Variants in EFHD1 observed in about 807,000 individuals in gnomAD.
The protein encoded by EFHD1 is EF-hand domain-containing protein D1.
A neutral mutation model predicts 17.2 loss-of-function variants in EFHD1; 10 were observed. The observed-to-expected ratio is 0.58, with a 90% CI of 0.36 to 0.99. The LOEUF is 0.99. EFHD1 is among the 50% of genes least tolerant of loss of function. The pLI is 0.01. For synonymous variants in EFHD1, 153 were observed against 142.0 expected (o/e 1.08, Z -0.55); for missense variants, 310 against 327.5 (o/e 0.95, Z 0.41).
At chr2:232,663,681 G>A (rs909565467) in intron 2 of EFHD1, among the ~76,000 whole-genome samples, 18 of 152,024 alleles carry the variant, frequency 1.2e-4, no homozygotes, top group Admixed American at 1.2e-3. Flanking sequence ...GTGATATCTC[G>A]ATATAAGCGT....
intron 1 of EFHD1, among the ~76,000 whole-genome samples, chr2:232,612,276 A>G (rs75383559): frequency 2.1e-3 from 323 of 152,320 alleles, no homozygotes; most frequent in African/African-American, 7.3e-3. Context: ...TGTGGACATT[A>G]AAAGCAAGCA....
At chr2:232,609,867 T>C (rs932091715) in intron 1 of EFHD1, among the ~76,000 whole-genome samples, 1 of 152,218 alleles carries the variant, frequency 6.6e-6, no homozygotes, top group African/African-American at 2.4e-5. Flanking sequence ...GAGTGGTGGC[T>C]GAAGCTCCTC....
At chr2:232,679,822 A>G (rs1405896386) in intron 3 of EFHD1, among the ~76,000 whole-genome samples, 2 of 152,320 alleles carry the variant, frequency 1.3e-5, no homozygotes, top group East Asian at 3.9e-4. Flanking sequence ...AGGAAATAAA[A>G]GAAGGTGCCA....
intron 1 of EFHD1, among the ~76,000 whole-genome samples, chr2:232,636,432 T>G (rs1007643567): frequency 6.6e-6 from 1 of 152,222 alleles, no homozygotes; most frequent in African/African-American, 2.4e-5. Flanking sequence ...AATTAATTCA[T>G]GTATGTGATG....
intron 1 of EFHD1, among the ~76,000 whole-genome samples, chr2:232,653,301 C>CT (rs1291706553): frequency 6.6e-6 from 1 of 151,694 alleles, no homozygotes; most frequent in East Asian, 1.9e-4. Flanking sequence ...CTGGTTTTTT[C>CT]TTTTTTCAAG....
chr2:232,634,165 C>T (rs915271761), intron 1 of EFHD1, among the ~76,000 whole-genome samples, 159 bp downstream of exon 1: 1 of 152,146 alleles, frequency 6.6e-6, no homozygotes. Context: ...GGGTCTATCT[C>T]GGCGCGGTGG....
At chr2:232,647,270 G>C (rs969761333) in intron 1 of EFHD1, among the ~76,000 whole-genome samples, 2 of 152,248 alleles carry the variant, frequency 1.3e-5, no homozygotes, top group African/African-American at 4.8e-5. Context: ...GCAGCAGTGG[G>C]TGGAGAGGAA....
intron 1 of EFHD1, among the ~76,000 whole-genome samples, chr2:232,662,388 A>C (rs549326169): frequency 7.9e-5 from 12 of 152,150 alleles, no homozygotes; most frequent in African/African-American, 2.9e-4. Flanking sequence ...GACCAGGAGG[A>C]GGCTCCTGGA....
At chr2:232,617,636 G>A (rs954031897) in intron 1 of EFHD1, among the ~76,000 whole-genome samples, 1 of 136,334 alleles carries the variant, frequency 7.3e-6, no homozygotes. Context: ...CTGGGCAACA[G>A]AGCGAGACTC....
chr2:232,635,222 T>C (rs1042884010), intron 1 of EFHD1, among the ~76,000 whole-genome samples: 1 of 152,224 alleles, frequency 6.6e-6, no homozygotes, highest in Non-Finnish European at 1.5e-5. Context: ...GCAAGGTTTG[T>C]TGGAGCCCTT....
In EFHD1 at chr2:232,612,306, A is replaced by G. The variant is rs1423469681; in HGVS notation, c.14+6133A>G. ...CAAGCATGGGCTTCAAAAGACACCC[A>G]AAAGCTGGGAGAAAATATTTTAAAA... On this transcript the variant is annotated intron_variant, in intron 1 of 3. Transcript: ENST00000409613. Among the ~76,000 whole-genome samples the G allele has an allele frequency of 2.6e-5, 4 of 152,200 alleles. No individual in the cohort carries two copies. The East Asian group carries it at 7.7e-4, about 29-fold the overall frequency.
intron 1 of EFHD1, among the ~76,000 whole-genome samples, chr2:232,636,111 G>A (rs1403421054): frequency 6.6e-6 from 1 of 152,124 alleles, no homozygotes; most frequent in African/African-American, 2.4e-5. Flanking sequence ...GCTCATCCTT[G>A]GTGGTGGTGG....
chr2:232,650,931 A>G (rs1463736415), intron 1 of EFHD1, among the ~76,000 whole-genome samples: 3 of 152,118 alleles, frequency 2.0e-5, no homozygotes, highest in Non-Finnish European at 2.9e-5. Context: ...AATTATAGGG[A>G]AAAAAAGAGC....
intron 2 of EFHD1, among the ~76,000 whole-genome samples, chr2:232,670,260 G>C (rs992478519): frequency 6.6e-6 from 1 of 152,070 alleles, no homozygotes; most frequent in African/African-American, 2.4e-5. Flanking sequence ...GGTCAACATG[G>C]TGAAACCCCA....
At chr2:232,647,961 C>T (rs1694565556) in intron 1 of EFHD1, among the ~76,000 whole-genome samples, 1 of 152,158 alleles carries the variant, frequency 6.6e-6, no homozygotes, top group Non-Finnish European at 1.5e-5. Context: ...TTATGCAGAC[C>T]TGGCAAGGTG....
intron 1 of EFHD1, among the ~76,000 whole-genome samples, chr2:232,643,964 C>A (rs1039607032): frequency 9.8e-5 from 15 of 152,356 alleles, no homozygotes; most frequent in African/African-American, 3.4e-4. Context: ...TAGGTCTTTC[C>A]TGTGGAACAT....
rs1490049238 is a variant in EFHD1 at position 232,662,638 on chromosome 2, G to A, written c.303-164G>A. On this transcript the variant is annotated intron_variant, in intron 1 of 3. Transcript: ENST00000264059. ...TTTGAGTCATACAAAGCCCTGAAGC[G>A]CTCTGAGGAGAGAGGGGTTCCTCTG... The A allele has an allele frequency of 6.0e-6, 5 of 830,988 alleles. No individual in the cohort carries two copies. In the South Asian group the frequency reaches 6.7e-5, roughly 11 times the overall value. The allele number at this position is 830,988 out of a possible 1,614,324, so 51.5% of individuals were successfully genotyped here.
chr2:232,669,864 G>T (rs947678933), intron 2 of EFHD1, among the ~76,000 whole-genome samples: 1 of 152,022 alleles, frequency 6.6e-6, no homozygotes, highest in Non-Finnish European at 1.5e-5. Flanking sequence ...CTCCCAAAGT[G>T]CTGGGATTAC....
chr2:232,679,395 TC>T (rs1196907813), intron 3 of EFHD1, among the ~76,000 whole-genome samples: 1 of 151,266 alleles, frequency 6.6e-6, no homozygotes, highest in Admixed American at 6.6e-5. Flanking sequence ...TATTCTTTTA[TC>T]TTTTTTTTTT....
Sources: gnomAD v4.1 joint callset for allele counts (sites outside exome capture counted in the v4.1 genomes callset) on GRCh38, gnomAD v4.1.1 for gene constraint, MANE v1.5 for transcripts, NCBI Gene and HGNC (gene_info 2026-07-23, HGNC 2026-07-21) for gene names.